Variants in MYCBP2 observed in about 807,000 individuals in gnomAD.
The protein encoded by MYCBP2 is MYC binding protein 2.
A neutral mutation model predicts 525.3 loss-of-function variants in MYCBP2; 120 were observed. The ratio of observed to expected loss-of-function variants is 0.23; its 90% CI spans 0.20 to 0.27. The LOEUF (loss-of-function observed/expected upper bound fraction) is 0.27, where lower values mean the gene tolerates loss of function less well. Ranked by LOEUF, MYCBP2 falls within the 10% of genes least tolerant of loss-of-function variation. The pLI is 1.00. For missense variants in MYCBP2, 4,149 were observed against 5,657.1 expected, an observed-to-expected ratio of 0.73 and a Z score of 8.55; for synonymous variants, 1,894 against 1,955.8, an observed-to-expected ratio of 0.97 and a Z score of 0.83.
At chr13:77,251,943 G>A (rs2071283555) in intron 14 of MYCBP2, among the ~76,000 whole-genome samples, 1 of 151,698 alleles carries the variant, frequency 6.6e-6, no homozygotes, top group South Asian at 2.1e-4. Flanking sequence ...TGCTCCCTCT[G>A]CCTCTTCCTT....
At chr13:77,281,422 T>C (rs1022857680) in intron 3 of MYCBP2, among the ~76,000 whole-genome samples, 10 of 152,010 alleles carry the variant, frequency 6.6e-5, no homozygotes, top group African/African-American at 2.4e-4. Context: ...TGATATTTAA[T>C]AAAAATAATA....
rs1294922891 is a variant in MYCBP2 at position 77,257,838 on chromosome 13, A to G, written c.2018-9T>C. The G allele has an allele frequency of 1.3e-6, 2 of 1,595,536 alleles. No individual in the cohort carries two copies. Among genetic ancestry groups the G allele is most frequent in the Non-Finnish European group, 1.7e-6 (2 of 1,174,932 alleles). On this transcript the variant is annotated splice_polypyrimidine_tract_variant and intron_variant, in intron 13 of 82. Coordinates refer to ENST00000544440, the MANE Select transcript of MYCBP2 (RefSeq NM_015057.5). Reference sequence around the variant, plus strand: ...CAAATCAGTTACCAAACCTATAGGAAAGAAACAAATTTAGTAAAAACAACA... The same window carrying G: ...CAAATCAGTTACCAAACCTATAGGAGAGAAACAAATTTAGTAAAAACAACA...
At position 77,057,027 on chromosome 13, in the gene MYCBP2, G is replaced by A; in HGVS notation, c.13396C>T (p.Pro4466Ser). 1 of 1,613,680 alleles carries A rather than the reference G, an allele frequency of 6.2e-7. No homozygotes were observed. Among genetic ancestry groups the A allele is most frequent in the Non-Finnish European group, 8.5e-7 (1 of 1,179,782 alleles). ...RRVLENRWLGPRITFGFISCP... is the reference protein window; with the variant it reads ...RRVLENRWLGSRITFGFISCP... ...GATATAAATCCAAATGTTATCCTTG[G>A]GCCAAGCCATCGATTTTCTAATACT... The change falls in exon 79 of 83, where the codon CCA becomes TCA. Residue 4466 changes from proline (P) to serine (S), a missense_variant. Pro to Ser is a moderately conservative substitution (Grantham distance 74). Coordinates refer to ENST00000544440, the MANE Select transcript of MYCBP2 (RefSeq NM_015057.5).
chr13:77,159,076 A>G (rs1246321490), intron 44 of MYCBP2, among the ~76,000 whole-genome samples: 1 of 152,244 alleles, frequency 6.6e-6, no homozygotes, highest in Non-Finnish European at 1.5e-5. Context: ...CATTTCTAGT[A>G]CTATCAAATT....
intron 23 of MYCBP2, among the ~76,000 whole-genome samples, chr13:77,207,951 C>T (rs1481250675): frequency 6.6e-6 from 1 of 151,924 alleles, no homozygotes; most frequent in African/African-American, 2.4e-5. Context: ...CCCATCCCCC[C>T]ACCAAGCCCC....
chr13:77,144,218 G>T, intron 49 of MYCBP2: 1 of 504,670 alleles, frequency 2.0e-6, no homozygotes, highest in Admixed American at 3.4e-5. Flanking sequence ...AGGAAATGGA[G>T]GGAGAGAGTC....
chr13:77,122,858 A>G lies in MYCBP2; in HGVS notation c.8018-1363T>C, dbSNP rs530024472. 2.6e-4 allele frequency among the ~76,000 whole-genome samples: 40 copies of G among 152,244 alleles called. 1 individual carries two copies. Among genetic ancestry groups the G allele is most frequent in the African/African-American group, 9.6e-4 (40 of 41,542 alleles). On this transcript the variant is annotated intron_variant, in intron 54 of 82. Coordinates refer to ENST00000544440, the MANE Select transcript of MYCBP2 (RefSeq NM_015057.5). ...TTTGTAGACTTGATTTAAAAAACCAATCTTAGCACTTCCCTTAGGCAATAC... is the reference window on the plus strand; with the variant it reads ...TTTGTAGACTTGATTTAAAAAACCAGTCTTAGCACTTCCCTTAGGCAATAC...
intron 82 of MYCBP2, among the ~76,000 whole-genome samples, chr13:77,049,032 C>G (rs2036184924): frequency 6.6e-6 from 1 of 152,314 alleles, no homozygotes; most frequent in Middle Eastern, 3.4e-3. Flanking sequence ...ATGGCTACAA[C>G]GTGTGACTGA....
rs565792205 is a variant in MYCBP2 at position 77,144,485 on chromosome 13, T to C, written c.7263A>G (p.Gly2421=). The change falls in exon 49 of 83, where the codon GGA becomes GGG. Residue 2421 remains glycine (G), a synonymous_variant. Transcript: ENST00000544440. ...CAATGGTAACATGAAGAGTGTAGAG[T>C]CCAATAGCCCCTGGAGTCCAATTTG... is the stretch of plus-strand genomic sequence containing the variant. The part of the protein sequence containing the change: ...YCANWTPGAI[G]LYTLHVTIDG... 8 of 1,613,496 alleles carry C rather than the reference T, an allele frequency of 5.0e-6. No individual in the cohort carries two copies. Among genetic ancestry groups the C allele is most frequent in the Middle Eastern group, 3.3e-4 (2 of 6,056 alleles).
chr13:77,271,996 T>C (rs942048749), intron 5 of MYCBP2, among the ~76,000 whole-genome samples: 5 of 152,132 alleles, frequency 3.3e-5, no homozygotes, highest in African/African-American at 9.7e-5. Flanking sequence ...GTTGGGGATG[T>C]GGTGATGTGG....
chr13:77,210,231 C>T (rs968438754), intron 23 of MYCBP2, among the ~76,000 whole-genome samples: 7 of 148,372 alleles, frequency 4.7e-5, no homozygotes, highest in Admixed American at 1.3e-4. Flanking sequence ...GACAGAGTCT[C>T]GCCCAGGCTG....
intron 28 of MYCBP2, 24 bp from the exon 29 acceptor site, chr13:77,190,359 CA>C (rs1411957846): frequency 1.9e-5 from 25 of 1,327,514 alleles, no homozygotes; most frequent in Non-Finnish European, 2.5e-5. Flanking sequence ...ACAATGATAC[CA>C]AAAACAACAT....
chr13:77,189,858 C>T (rs543867337), intron 29 of MYCBP2, among the ~76,000 whole-genome samples: 5 of 152,174 alleles, frequency 3.3e-5, no homozygotes, highest in South Asian at 4.1e-4. Context: ...TCTTATGAGA[C>T]TACAATATAT....
chr13:77,294,677 A>C (rs150967421), intron 2 of MYCBP2, among the ~76,000 whole-genome samples: 1 of 152,348 alleles, frequency 6.6e-6, no homozygotes, highest in Non-Finnish European at 1.5e-5. Context: ...AAAAGTTGAA[A>C]AGGGATAGAG....
intron 1 of MYCBP2, among the ~76,000 whole-genome samples, chr13:77,309,283 G>A (rs774478935): frequency 3.3e-5 from 5 of 152,130 alleles, no homozygotes; most frequent in Non-Finnish European, 1.5e-5. Flanking sequence ...CTCAGACTTC[G>A]GTTTCACTGG....
chr13:77,248,267 C>A (rs1197249642), intron 15 of MYCBP2, among the ~76,000 whole-genome samples: 6 of 151,894 alleles, frequency 4.0e-5, no homozygotes, highest in Admixed American at 2.6e-4. Flanking sequence ...GACAACTGGA[C>A]TTCATGAAAA....
intron 48 of MYCBP2, among the ~76,000 whole-genome samples, chr13:77,144,955 T>C (rs1028146861): frequency 6.6e-6 from 1 of 152,234 alleles, no homozygotes; most frequent in Non-Finnish European, 1.5e-5. Context: ...TCAACATTTT[T>C]ATGCTGCAAT....
intron 55 of MYCBP2, among the ~76,000 whole-genome samples, chr13:77,107,667 G>A (rs1301728879): frequency 6.6e-6 from 1 of 152,140 alleles, no homozygotes; most frequent in Non-Finnish European, 1.5e-5. Flanking sequence ...GAGCCTGGGA[G>A]AGGGAGGTTG....
At chr13:77,186,270 C>CA (rs1566853057) in intron 30 of MYCBP2, among the ~76,000 whole-genome samples, 1 of 151,858 alleles carries the variant, frequency 6.6e-6, no homozygotes, top group Non-Finnish European at 1.5e-5. Flanking sequence ...AAGTTTGTTA[C>CA]AAAAAAGGTA....
Sources: gnomAD v4.1 joint callset for allele counts (sites outside exome capture counted in the v4.1 genomes callset) on GRCh38, gnomAD v4.1.1 for gene constraint, MANE v1.5 for transcripts, NCBI Gene and HGNC (gene_info 2026-07-23, HGNC 2026-07-21) for gene names.